The following CA10 variants were observed in gnomAD, a reference collection of about 807,000 sequenced individuals.
CA10 encodes carbonic anhydrase 10 (inactive), also known as carbonic anhydrase-related protein 10.
CA10 carries 14 observed loss-of-function variants against 44.2 expected under a neutral mutation model. The observed-to-expected ratio is 0.32, with a 90% CI of 0.21 to 0.50. The LOEUF (loss-of-function observed/expected upper bound fraction) is 0.50, where lower values mean the gene tolerates loss of function less well. Among genes scored for constraint, CA10 ranks in the 20% least tolerant of loss-of-function variants. The pLI is 0.99. For missense variants in CA10, 350 were observed against 409.7 expected (o/e 0.85, Z 1.26); for synonymous variants, 159 against 141.6 (o/e 1.12, Z -0.87).
At chr17:51,639,246 G>A (rs1208130826) in intron 6 of CA10, among the ~76,000 whole-genome samples, 1 of 152,146 alleles carries the variant, frequency 6.6e-6, no homozygotes, top group African/African-American at 2.4e-5. Flanking sequence ...AAGCTTGCAC[G>A]AGGAACACAT....
intron 4 of CA10, among the ~76,000 whole-genome samples, chr17:51,718,746 G>T (rs1490667399): frequency 6.6e-6 from 1 of 152,310 alleles, no homozygotes; most frequent in African/African-American, 2.4e-5. Context: ...CAAGTAGATA[G>T]TGTCAGAATT....
chr17:52,120,644 G>A (rs866167355), intron 1 of CA10, among the ~76,000 whole-genome samples: 66 of 152,290 alleles, frequency 4.3e-4, no homozygotes, highest in African/African-American at 1.5e-3. Flanking sequence ...GCAGCTGGGG[G>A]AACCTGCACA....
chr17:52,147,261 G>A (rs979706612), intron 1 of CA10, among the ~76,000 whole-genome samples: 1 of 151,850 alleles, frequency 6.6e-6, no homozygotes, highest in South Asian at 2.1e-4. Flanking sequence ...CTGATTCCAG[G>A]CTTCACTCAT....
At chr17:51,888,811 T>A (rs977979210) in intron 3 of CA10, among the ~76,000 whole-genome samples, 1 of 152,232 alleles carries the variant, frequency 6.6e-6, no homozygotes, top group Admixed American at 6.5e-5. Flanking sequence ...TAATAAATCA[T>A]CTTCAAAATT....
At chr17:51,878,867 TATATATATATATATATATA>T (rs1567870804) in intron 3 of CA10, among the ~76,000 whole-genome samples, 962 of 27,040 alleles carry the variant, frequency 0.036, 136 homozygotes, top group African/African-American at 0.15. Context: ...TATATATATA[TATATATATATATATATATA>T]TATATGGGTG....
chr17:51,780,596 A>G (rs1186805857), intron 3 of CA10, among the ~76,000 whole-genome samples: 3 of 152,244 alleles, frequency 2.0e-5, no homozygotes, highest in Non-Finnish European at 4.4e-5. Context: ...GCAAGGTCAC[A>G]TGGACACCTA....
chr17:51,891,007 G>A (rs1175237872), intron 3 of CA10, among the ~76,000 whole-genome samples: 1 of 152,090 alleles, frequency 6.6e-6, no homozygotes, highest in African/African-American at 2.4e-5. Flanking sequence ...AATAGTTCAG[G>A]AAAGATGGAA....
intron 2 of CA10, among the ~76,000 whole-genome samples, chr17:52,046,495 A>G (rs1477711334): frequency 6.6e-6 from 1 of 151,834 alleles, no homozygotes; most frequent in Non-Finnish European, 1.5e-5. Context: ...CCTTGAAAAT[A>G]CTTTCTACCA....
intron 2 of CA10, among the ~76,000 whole-genome samples, chr17:51,971,447 A>G (rs1004861020): frequency 1.3e-5 from 2 of 152,162 alleles, no homozygotes; most frequent in African/African-American, 4.8e-5. Context: ...CCTGTATTAT[A>G]AAGGAAATCT....
intron 4 of CA10, among the ~76,000 whole-genome samples, chr17:51,737,181 T>G (rs533864108): frequency 5.3e-5 from 8 of 152,180 alleles, no homozygotes; most frequent in African/African-American, 1.9e-4. Context: ...GGACCAACCA[T>G]GCAACTGAAA....
intron 4 of CA10, among the ~76,000 whole-genome samples, chr17:51,683,505 C>T (rs893576325): frequency 6.6e-6 from 1 of 152,100 alleles, no homozygotes; most frequent in African/African-American, 2.4e-5. Context: ...ATGGTAAAGC[C>T]GCCTGTGAGG....
At chr17:52,073,462 A>AG (rs1348459287) in intron 1 of CA10, among the ~76,000 whole-genome samples, 1 of 152,196 alleles carries the variant, frequency 6.6e-6, no homozygotes. Flanking sequence ...AAGAGCCCTG[A>AG]GGCTTGTATC....
chr17:51,727,436 T>G (rs1473927469), intron 4 of CA10, among the ~76,000 whole-genome samples: 4 of 152,014 alleles, frequency 2.6e-5, no homozygotes, highest in Non-Finnish European at 4.4e-5. Flanking sequence ...TTCTTTTGTC[T>G]CAGAGCCTTT....
intron 4 of CA10, among the ~76,000 whole-genome samples, chr17:51,671,033 G>T (rs1009681956): frequency 6.6e-6 from 1 of 152,166 alleles, no homozygotes; most frequent in Non-Finnish European, 1.5e-5. Context: ...AAGTCCCCTT[G>T]CACTCCTATA....
At chr17:52,139,887 A>AAGTGGCTGTTTGG (rs1989439804) in intron 1 of CA10, among the ~76,000 whole-genome samples, 1 of 152,222 alleles carries the variant, frequency 6.6e-6, no homozygotes, top group Admixed American at 6.5e-5. Context: ...ATGAACAGTT[A>AAGTGGCTGTTTGG]AGTGGCTGTT....
At chr17:51,717,118 G>T (rs1320714842) in intron 4 of CA10, among the ~76,000 whole-genome samples, 2 of 152,088 alleles carry the variant, frequency 1.3e-5, no homozygotes, top group Non-Finnish European at 2.9e-5. Context: ...AGGAGTGCTA[G>T]GGGAATTTTT....
At chr17:51,663,107 A>T (rs964564478) in intron 4 of CA10, among the ~76,000 whole-genome samples, 1 of 152,204 alleles carries the variant, frequency 6.6e-6, no homozygotes, top group African/African-American at 2.4e-5. Context: ...CAAGATAATG[A>T]CACAGTCTTT....
At position 51,808,396 on chromosome 17, in the gene CA10, T is replaced by C. The variant is rs149322837; in HGVS notation, c.280-60578A>G. ...AATAGAGTTTGGATCTAAGAAATTT[T>C]ATTTTCCTTTTAGCAGTACGTATAG... On this transcript the variant is annotated intron_variant, in intron 3 of 8. Transcript: ENST00000451037. Among the ~76,000 whole-genome samples, 623 of 152,388 alleles carry C rather than the reference T, an allele frequency of 4.1e-3. 4 individuals carry two copies. The highest frequency in any genetic ancestry group is 0.014 in the African/African-American group (599 of 41,604).
At chr17:51,796,592 T>A (rs899508286) in intron 3 of CA10, among the ~76,000 whole-genome samples, 1 of 152,248 alleles carries the variant, frequency 6.6e-6, no homozygotes, top group African/African-American at 2.4e-5. Context: ...CCTAGAGCAC[T>A]TTAACTTTGG....
Sources: gnomAD v4.1 joint callset for allele counts (sites outside exome capture counted in the v4.1 genomes callset) on GRCh38, gnomAD v4.1.1 for gene constraint, MANE v1.5 for transcripts, NCBI Gene and HGNC (gene_info 2026-07-23, HGNC 2026-07-21) for gene names.